Variants in POLB observed in about 807,000 individuals in gnomAD.
POLB encodes 5'-dRP lyase.
A neutral mutation model predicts 52.7 loss-of-function variants in POLB; 37 were observed. That is an observed-to-expected ratio of 0.70 (90% CI 0.54 to 0.92). The LOEUF is 0.92. Ranked by LOEUF, POLB falls within the 40% of genes least tolerant of loss-of-function variation. The pLI is 0.00. For synonymous variants in POLB, 138 were observed against 131.3 expected (o/e 1.05, Z -0.35); for missense variants, 313 against 400.8 (o/e 0.78, Z 1.87).
chr8:42,349,677 C>T (rs964657167), intron 4 of POLB, among the ~76,000 whole-genome samples: 1 of 152,236 alleles, frequency 6.6e-6, no homozygotes. Flanking sequence ...CATGAGCCAC[C>T]ATACCCGGCC....
rs991991372 is a variant in POLB, at chr8:42,361,187, A to G, written c.551-108A>G. On this transcript the variant is annotated intron_variant, in intron 9 of 13. Coordinates refer to ENST00000265421, the MANE Select transcript of POLB (RefSeq NM_002690.3). ...AACTATGAAGCACAGTGAAATAGAA[A>G]GTTAGGCTGTAAGAAGTAAGGCTCT... 13 of 774,898 alleles carry G rather than the reference A, an allele frequency of 1.7e-5. No homozygotes were observed. The African/African-American group carries it at 2.0e-4, about 12-fold the overall frequency. 48.0% of individuals were successfully genotyped at this position (774,898 alleles called of 1,614,324 possible).
intron 12 of POLB, 114 bp downstream of exon 12, chr8:42,369,449 C>G (rs1824243353): frequency 3.2e-6 from 2 of 626,102 alleles, no homozygotes; most frequent in Non-Finnish European, 2.9e-6. Flanking sequence ...TTTTTACTCC[C>G]AAGAGCCATA....
chr8:42,358,405 G>A (rs1033618411), intron 9 of POLB, among the ~76,000 whole-genome samples: 4 of 152,056 alleles, frequency 2.6e-5, no homozygotes, highest in East Asian at 3.9e-4. Flanking sequence ...GGGCGGCTGA[G>A]GCAGGAGAAT....
At chr8:42,370,223 T>C in intron 13 of POLB, 1 of 625,686 alleles carries the variant, frequency 1.6e-6, no homozygotes. Context: ...ATTAAATCCT[T>C]GCATGCTCAG....
chr8:42,339,476 A>G lies in POLB; in HGVS notation c.119+407A>G, dbSNP rs1381341574. 4.7e-5 allele frequency: 9 copies of G among 190,236 alleles called. No homozygotes were observed. The East Asian group carries it at 1.4e-3, about 30-fold the overall frequency. 11.8% of individuals were successfully genotyped at this position (190,236 alleles called of 1,614,324 possible). ...TGATCCTGATCCTTGTTCCTTGTTC[A>G]TGGGATCCTGTCCTTGTTCATCTCA... On this transcript the variant is annotated intron_variant, in intron 2 of 13. Coordinates refer to ENST00000265421, the MANE Select transcript of POLB (RefSeq NM_002690.3).
At chr8:42,340,820 G>C (rs1394373456) in intron 2 of POLB, among the ~76,000 whole-genome samples, 7 of 152,050 alleles carry the variant, frequency 4.6e-5, no homozygotes, top group Admixed American at 2.6e-4. Context: ...GACTTCCTCT[G>C]TAAAGTAAAA....
intron 3 of POLB, among the ~76,000 whole-genome samples, chr8:42,346,384 CTTT>C (rs549901516): frequency 7.3e-6 from 1 of 136,982 alleles, no homozygotes; most frequent in Non-Finnish European, 1.6e-5. Context: ...TTTCTTTTTT[CTTT>C]TTTTTTTTTT....
At position 42,350,482 on chromosome 8, in the gene POLB, G is replaced by A. The variant is rs573632129; in HGVS notation, c.320+417G>A. Reference sequence around the variant, plus strand: ...TTTTTTGAGACAGGGTTGCTATGTTGCCCATGCTGGTCTTGAACTCCTGGG... The same window carrying A: ...TTTTTTGAGACAGGGTTGCTATGTTACCCATGCTGGTCTTGAACTCCTGGG... On this transcript the variant is annotated intron_variant, in intron 5 of 13. Coordinates refer to ENST00000265421, the MANE Select transcript of POLB (RefSeq NM_002690.3). 2.2e-4 allele frequency among the ~76,000 whole-genome samples: 34 copies of A among 152,162 alleles called. No individual in the cohort carries two copies. The South Asian group carries it at 5.2e-3, about 23-fold the overall frequency.
At chr8:42,346,913 G>A (rs1822653081) in intron 3 of POLB, among the ~76,000 whole-genome samples, 1 of 152,130 alleles carries the variant, frequency 6.6e-6, no homozygotes, top group African/African-American at 2.4e-5. Flanking sequence ...GACTAGCCAA[G>A]TAAGTTATAA....
At chr8:42,366,698 A>AG (rs1329039963) in intron 11 of POLB, among the ~76,000 whole-genome samples, 1 of 152,214 alleles carries the variant, frequency 6.6e-6, no homozygotes, top group African/African-American at 2.4e-5. Flanking sequence ...TACAGAAGAT[A>AG]GAGGGTCTTA....
At chr8:42,339,596 T>C (rs1822064736) in intron 2 of POLB, 1 of 152,434 alleles carries the variant, frequency 6.6e-6, no homozygotes, top group African/African-American at 2.4e-5. Context: ...TGAGACGGGG[T>C]CTCGCTGTGG....
At chr8:42,353,394 C>T (rs1361517627) in intron 6 of POLB, among the ~76,000 whole-genome samples, 1 of 151,876 alleles carries the variant, frequency 6.6e-6, no homozygotes, top group Non-Finnish European at 1.5e-5. Context: ...AGGCGTGAGC[C>T]ACCGCGCCTG....
At chr8:42,343,321 CAAAAA>C (rs1157325948) in intron 2 of POLB, among the ~76,000 whole-genome samples, 2 of 2,816 alleles carry the variant, frequency 7.1e-4, no homozygotes, top group African/African-American at 1.5e-3. Flanking sequence ...GACTGCGTCT[CAAAAA>C]AAAAAAAAAA....
In POLB at chr8:42,343,369, T is replaced by TATATGTACAC. The variant is rs761101423; in HGVS notation, c.120-1583_120-1582insTATGTACACA. On this transcript the variant is annotated intron_variant, in intron 2 of 13. Coordinates refer to ENST00000265421, the MANE Select transcript of POLB (RefSeq NM_002690.3). Reference sequence around the variant, plus strand: ...AAATATATATATATATATATATATATACACAAAATTAGCCAGGTGTGGTAG... The same window carrying TATATGTACAC: ...AAATATATATATATATATATATATATATATGTACACACACAAAATTAGCCAGGTGTGGTAG... Among the ~76,000 whole-genome samples the TATATGTACAC allele has an allele frequency of 8.3e-5, 3 of 36,320 alleles. No individual in the cohort carries two copies. The East Asian group carries it at 3.2e-3, about 38-fold the overall frequency. 23.8% of individuals were successfully genotyped at this position (36,320 alleles called of 152,430 possible).
chr8:42,352,414 C>A, intron 5 of POLB, 105 bp from the exon 6 acceptor site: 1 of 750,444 alleles, frequency 1.3e-6, no homozygotes, highest in South Asian at 1.5e-5. Context: ...AACATTTTAG[C>A]AGGTCTTGTT....
chr8:42,343,348 A>AAAAAT (rs1822360830), intron 2 of POLB, among the ~76,000 whole-genome samples: 1 of 23,624 alleles, frequency 4.2e-5, no homozygotes, highest in African/African-American at 6.4e-5. Context: ...AAAAAAAAAT[A>AAAAAT]TATATATATA....
intron 6 of POLB, chr8:42,354,320 T>C (rs1490643735): frequency 1.2e-5 from 5 of 428,838 alleles, no homozygotes; most frequent in Non-Finnish European, 2.2e-5. Flanking sequence ...TTTTTCTCGA[T>C]TTTATATCTC....
chr8:42,349,864 A>G, intron 4 of POLB, 143 bp from the exon 5 acceptor site: 1 of 642,442 alleles, frequency 1.6e-6, no homozygotes, highest in Non-Finnish European at 2.8e-6. Flanking sequence ...TCCTTAGGTT[A>G]CTTGTGAATA....
chr8:42,361,448 G>A, intron 10 of POLB, 83 bp downstream of exon 10: 2 of 1,001,028 alleles, frequency 2.0e-6, no homozygotes, highest in Non-Finnish European at 3.2e-6. Context: ...GGTATTTTCA[G>A]AATAAGTTTT....
Sources: allele counts gnomAD v4.1 joint callset (sites outside exome capture counted in the v4.1 genomes callset), GRCh38; gene constraint gnomAD v4.1.1; transcripts MANE v1.5; gene names NCBI Gene and HGNC (gene_info 2026-07-23, HGNC 2026-07-21).